TBC1D5: variants seen among roughly 807,000 people sequenced by gnomAD.
TBC1D5 encodes TBC1 domain family member 5.
In TBC1D5, 75 loss-of-function variants were observed where a neutral mutation model predicts 100.3. That is an observed-to-expected ratio of 0.75 (90% CI 0.62 to 0.91). The LOEUF (loss-of-function observed/expected upper bound fraction) is 0.91, where lower values mean the gene tolerates loss of function less well. Among genes scored for constraint, TBC1D5 ranks in the 40% least tolerant of loss-of-function variants. TBC1D5 has a pLI of 0.00. For missense variants in TBC1D5, 910 were observed against 942.4 expected (o/e 0.97, Z 0.45); for synonymous variants, 323 against 325.6 (o/e 0.99, Z 0.09).
chr3:17,287,957 A>G lies in TBC1D5; in HGVS notation c.1245+3938T>C, dbSNP rs1301057635. ...CTAGGAAATGGGAAAGAATGCTTTCATGTCTCAAATCTCATCTTTCTACTA... is the reference window on the plus strand; with the variant it reads ...CTAGGAAATGGGAAAGAATGCTTTCGTGTCTCAAATCTCATCTTTCTACTA... On this transcript the variant is annotated intron_variant, in intron 15 of 21. Coordinates refer to ENST00000253692, the Ensembl canonical transcript of TBC1D5. Among the ~76,000 whole-genome samples, 16 of 152,286 alleles carry G rather than the reference A, an allele frequency of 1.1e-4. No homozygotes were observed. In the East Asian group the frequency reaches 2.9e-3, roughly 28 times the overall value.
At chr3:17,537,174 C>A (rs1362698347) in intron 2 of TBC1D5, among the ~76,000 whole-genome samples, 1 of 152,076 alleles carries the variant, frequency 6.6e-6, no homozygotes, top group Non-Finnish European at 1.5e-5. Flanking sequence ...CCCTCAGGGC[C>A]CACTATCTGT....
chr3:17,164,487 G>T (rs1317017456), intron 21 of TBC1D5, among the ~76,000 whole-genome samples: 3 of 152,190 alleles, frequency 2.0e-5, no homozygotes, highest in African/African-American at 7.2e-5. Context: ...TCCATAACTG[G>T]GAGCTCATGA....
intron 12 of TBC1D5, among the ~76,000 whole-genome samples, chr3:17,374,010 A>G (rs2092594140): frequency 6.6e-6 from 1 of 152,154 alleles, no homozygotes; most frequent in Non-Finnish European, 1.5e-5. Context: ...TATGTGAATT[A>G]TATAAAAATT....
At chr3:17,339,350 C>T (rs971790012) in intron 13 of TBC1D5, among the ~76,000 whole-genome samples, 23 of 152,208 alleles carry the variant, frequency 1.5e-4, no homozygotes, top group African/African-American at 5.5e-4. Flanking sequence ...CTCACCTTGC[C>T]AAGTCCCCTG....
intron 3 of TBC1D5, among the ~76,000 whole-genome samples, chr3:17,467,059 C>G (rs762792501): frequency 6.6e-6 from 1 of 151,964 alleles, no homozygotes; most frequent in Non-Finnish European, 1.5e-5. Flanking sequence ...CTGATTTCTA[C>G]GTCTACTCTT....
At chr3:17,436,755 C>T (rs1199147606) in intron 3 of TBC1D5, among the ~76,000 whole-genome samples, 1 of 151,886 alleles carries the variant, frequency 6.6e-6, no homozygotes, top group Non-Finnish European at 1.5e-5. Context: ...AAACTAAAAC[C>T]ATGGTCAGTC....
At chr3:17,236,383 C>T (rs1227221021) in intron 17 of TBC1D5, among the ~76,000 whole-genome samples, 1 of 152,074 alleles carries the variant, frequency 6.6e-6, no homozygotes, top group African/African-American at 2.4e-5. Context: ...GGGTATATCT[C>T]CTGGCATTAA....
chr3:17,524,054 T>C (rs779274976), intron 2 of TBC1D5, among the ~76,000 whole-genome samples: 1 of 152,140 alleles, frequency 6.6e-6, no homozygotes, highest in Non-Finnish European at 1.5e-5. Context: ...TAAGCAGGTA[T>C]CATTTCCTTT....
chr3:17,325,769 C>A (rs1278746990), intron 13 of TBC1D5, among the ~76,000 whole-genome samples: 1 of 152,102 alleles, frequency 6.6e-6, no homozygotes, highest in Non-Finnish European at 1.5e-5. Context: ...GGAATGACTA[C>A]AAAGGAGCAT....
intron 1 of TBC1D5, among the ~76,000 whole-genome samples, chr3:17,652,160 AT>A (rs2065639500): frequency 6.6e-6 from 1 of 152,188 alleles, no homozygotes; most frequent in Non-Finnish European, 1.5e-5. Flanking sequence ...GGAAAAATAA[AT>A]TTAAGAACAG....
intron 2 of TBC1D5, among the ~76,000 whole-genome samples, chr3:17,572,070 TC>T (rs1354067142): frequency 6.6e-6 from 1 of 152,032 alleles, no homozygotes; most frequent in African/African-American, 2.4e-5. Flanking sequence ...AGCATTGCAG[TC>T]TGAGGTTCCT....
chr3:17,271,411 C>T (rs555265245), intron 15 of TBC1D5, among the ~76,000 whole-genome samples: 11 of 152,134 alleles, frequency 7.2e-5, no homozygotes, highest in African/African-American at 2.6e-4. Context: ...TCTCAGCTTA[C>T]ATTGGTGTAC....
chr3:17,192,512 C>G (rs1047864646), intron 18 of TBC1D5, among the ~76,000 whole-genome samples: 1 of 152,088 alleles, frequency 6.6e-6, no homozygotes, highest in Non-Finnish European at 1.5e-5. Flanking sequence ...CTAGAAATAA[C>G]GTGATTCTTA....
intron 15 of TBC1D5, among the ~76,000 whole-genome samples, chr3:17,270,194 G>C (rs935687143): frequency 1.3e-5 from 2 of 152,122 alleles, no homozygotes; most frequent in African/African-American, 4.8e-5. Context: ...CATCCTGACT[G>C]GTGTGAGATG....
chr3:17,607,782 C>A (rs1245685996), intron 2 of TBC1D5, among the ~76,000 whole-genome samples: 1 of 152,084 alleles, frequency 6.6e-6, no homozygotes, highest in African/African-American at 2.4e-5. Context: ...CTCCTTGTTT[C>A]TGAAGTTTAC....
intron 2 of TBC1D5, among the ~76,000 whole-genome samples, chr3:17,520,972 C>T (rs2096057795): frequency 6.6e-6 from 1 of 152,098 alleles, no homozygotes; most frequent in Non-Finnish European, 1.5e-5. Flanking sequence ...CTGATTGTTA[C>T]TGGAAAAAAC....
rs190432622 is a variant in TBC1D5, at chr3:17,411,817, T to C, written c.168-5291A>G. 2.5e-4 allele frequency among the ~76,000 whole-genome samples: 38 copies of C among 152,286 alleles called. 1 individual carries two copies. Among genetic ancestry groups the C allele is most frequent in the Admixed American group, 2.0e-3 (30 of 15,278 alleles). On this transcript the variant is annotated intron_variant, in intron 4 of 21. Coordinates refer to ENST00000253692, the Ensembl canonical transcript of TBC1D5. ...GTATAGGGAAAAGAAGACTGAGGCATGTGAATTGGAAACATTATCTCTGAA... is the reference window on the plus strand; with the variant it reads ...GTATAGGGAAAAGAAGACTGAGGCACGTGAATTGGAAACATTATCTCTGAA...
intron 2 of TBC1D5, among the ~76,000 whole-genome samples, chr3:17,513,427 T>C (rs1251080770): frequency 6.6e-6 from 1 of 152,140 alleles, no homozygotes; most frequent in Non-Finnish European, 1.5e-5. Flanking sequence ...GTTAGTTTAA[T>C]AATATTTTCT....
chr3:17,360,492 T>G (rs940173068), intron 13 of TBC1D5, among the ~76,000 whole-genome samples: 1 of 151,998 alleles, frequency 6.6e-6, no homozygotes, highest in African/African-American at 2.4e-5. Context: ...ATGGCAAATA[T>G]AGCTGAGGTG....
Sources: gnomAD v4.1 joint callset for allele counts (sites outside exome capture counted in the v4.1 genomes callset) on GRCh38, gnomAD v4.1.1 for gene constraint, MANE v1.5 for transcripts, NCBI Gene and HGNC (gene_info 2026-07-23, HGNC 2026-07-21) for gene names.